RAB3GAP2: variants seen among roughly 807,000 people sequenced by gnomAD.
The protein encoded by RAB3GAP2 is rab3 GTPase-activating protein non-catalytic subunit.
A neutral mutation model predicts 185.3 loss-of-function variants in RAB3GAP2; 87 were observed. The observed-to-expected ratio is 0.47, with a 90% CI of 0.39 to 0.56. The LOEUF is 0.56. RAB3GAP2 is among the 20% of genes least tolerant of loss of function. RAB3GAP2 has a pLI of 0.00. For synonymous variants in RAB3GAP2, 554 were observed against 576.1 expected, an observed-to-expected ratio of 0.96 and a Z score of 0.55; for missense variants, 1,492 against 1,638.2, an observed-to-expected ratio of 0.91 and a Z score of 1.54.
intron 28 of RAB3GAP2, among the ~76,000 whole-genome samples, chr1:220,159,909 C>T (rs1206519674): frequency 1.3e-5 from 2 of 151,940 alleles, no homozygotes; most frequent in Admixed American, 1.3e-4. Context: ...CCTAGCTACT[C>T]GGGAGGCTGA....
chr1:220,267,415 T>G, intron 1 of RAB3GAP2: 3 of 1,328,518 alleles, frequency 2.3e-6, no homozygotes, highest in Non-Finnish European at 3.3e-6. Flanking sequence ...TTTCTCCAGC[T>G]GAGCTTTAAA....
chr1:220,206,213 T>G lies in RAB3GAP2; in HGVS notation c.613-207A>C, dbSNP rs137944267. On this transcript the variant is annotated intron_variant, in intron 7 of 34. Coordinates refer to ENST00000358951, the MANE Select transcript of RAB3GAP2 (RefSeq NM_012414.4). ...AATTCTTTTCAAATATAACCTTTTG[T>G]GTATGGTGAATAATTATCTCAAAGA... Among the ~76,000 whole-genome samples, 820 of 152,282 alleles carry G rather than the reference T, an allele frequency of 5.4e-3. 5 individuals carry two copies. Among genetic ancestry groups the G allele is most frequent in the African/African-American group, 0.019 (770 of 41,552 alleles).
chr1:220,238,751 G>C (rs1224869031), intron 1 of RAB3GAP2, among the ~76,000 whole-genome samples: 1 of 152,080 alleles, frequency 6.6e-6, no homozygotes, highest in African/African-American at 2.4e-5. Context: ...AAGTTTTCTT[G>C]CATCCACCAA....
intron 13 of RAB3GAP2, 37 bp from the exon 14 acceptor site, chr1:220,191,321 T>C (rs1658615689): frequency 1.6e-6 from 2 of 1,218,206 alleles, no homozygotes; most frequent in African/African-American, 1.8e-5. Context: ...AATTACTTAA[T>C]CTAGGTTCCA....
At chr1:220,236,697 T>C (rs1424390057) in intron 1 of RAB3GAP2, among the ~76,000 whole-genome samples, 1 of 152,024 alleles carries the variant, frequency 6.6e-6, no homozygotes, top group Non-Finnish European at 1.5e-5. Context: ...AGGTATATAT[T>C]GAGAAAATAG....
At chr1:220,245,292 C>A (rs2667963) in intron 1 of RAB3GAP2, among the ~76,000 whole-genome samples, 1 of 152,206 alleles carries the variant, frequency 6.6e-6, no homozygotes, top group Admixed American at 6.5e-5. Flanking sequence ...AGACAGTGGG[C>A]GCAGGCCAGT....
intron 1 of RAB3GAP2, among the ~76,000 whole-genome samples, chr1:220,244,346 C>A (rs1659757945): frequency 6.6e-6 from 1 of 152,122 alleles, no homozygotes; most frequent in Non-Finnish European, 1.5e-5. Flanking sequence ...TATACTTAAC[C>A]AAGAAGGCAG....
At chr1:220,162,812 C>G (rs1302578667) in intron 27 of RAB3GAP2, among the ~76,000 whole-genome samples, 1 of 152,018 alleles carries the variant, frequency 6.6e-6, no homozygotes, top group Non-Finnish European at 1.5e-5. Context: ...AGTTTTATTC[C>G]CAACAGCCAA....
In RAB3GAP2 at chr1:220,158,180, A is replaced by T. The variant is rs3767653; in HGVS notation, c.3262-304T>A. 1.3e-5 allele frequency among the ~76,000 whole-genome samples: 2 copies of T among 152,216 alleles called. No homozygotes were observed. Among genetic ancestry groups the T allele is most frequent in the African/African-American group, 4.8e-5 (2 of 41,460 alleles). On this transcript the variant is annotated intron_variant, in intron 29 of 34. Transcript: ENST00000358951. The surrounding 1 kb of genome is among the most constrained non-coding windows in gnomAD (Gnocchi z 4.3). ...TATAGATGGTGGCACTTCTGAGCTC[A>T]CTGTTCAGCTTGCTAAGGCATCTGG...
intron 27 of RAB3GAP2, among the ~76,000 whole-genome samples, chr1:220,163,740 CATACATATATAT>C (rs1397535637): frequency 2.8e-4 from 25 of 90,160 alleles, no homozygotes. Context: ...TATATAAATA[CATACATATATAT>C]ATATATATAT....
intron 21 of RAB3GAP2, among the ~76,000 whole-genome samples, chr1:220,173,235 T>C (rs776830666): frequency 9.9e-5 from 15 of 152,168 alleles, no homozygotes; most frequent in East Asian, 5.8e-4. Flanking sequence ...TAATAAGTTA[T>C]GAAAAAACAG....
chr1:220,203,388 T>A lies in RAB3GAP2; in HGVS notation c.713-1014A>T, dbSNP rs146742237. Among the ~76,000 whole-genome samples, 814 of 152,212 alleles carry A rather than the reference T, an allele frequency of 5.3e-3. 4 individuals carry two copies. Among genetic ancestry groups the A allele is most frequent in the African/African-American group, 0.018 (764 of 41,522 alleles). On this transcript the variant is annotated intron_variant, in intron 8 of 34. Transcript: ENST00000358951. ...ATAATAATAAAGAAAAAATATAACC[T>A]CTAAATATTGCAGATTGACAGTACG...
At chr1:220,163,509 C>T (rs577782809) in intron 27 of RAB3GAP2, among the ~76,000 whole-genome samples, 2 of 151,308 alleles carry the variant, frequency 1.3e-5, no homozygotes, top group African/African-American at 4.8e-5. Flanking sequence ...ACTACAGGCA[C>T]CTGCCACCAT....
rs1397365740 is a variant in RAB3GAP2 at position 220,196,283 on chromosome 1, G to T, written c.927C>A (p.Ser309=). ...PAMSQYITVG[S]NPFTGFFYAL... ...CATAGAAGAAGCCAGTAAATGGATT[G>T]GACCCTACAGTGATATACTGAGACA... is the stretch of plus-strand genomic sequence containing the variant. The change falls in exon 10 of 35, where the codon TCC becomes TCA. Residue 309 remains serine (S), a synonymous_variant. Transcript: ENST00000358951. 1.2e-6 allele frequency: 2 copies of T among 1,613,194 alleles called. No homozygotes were observed. The highest frequency in any genetic ancestry group is 1.7e-5 in the Admixed American group (1 of 59,994).
intron 1 of RAB3GAP2, among the ~76,000 whole-genome samples, chr1:220,254,973 T>C (rs1660008298): frequency 6.7e-6 from 1 of 149,864 alleles, no homozygotes; most frequent in African/African-American, 2.5e-5. Context: ...TTTTTTATGG[T>C]GCTTAAAGTA....
At chr1:220,157,225 A>G in intron 31 of RAB3GAP2, 45 bp downstream of exon 31, 1 of 1,505,550 alleles carries the variant, frequency 6.6e-7, no homozygotes, top group South Asian at 1.1e-5. Context: ...GTGTCTGCTA[A>G]GCCTGCAACT....
At chr1:220,271,159 T>C (rs1660326592) in intron 1 of RAB3GAP2, 1 of 152,204 alleles carries the variant, frequency 6.6e-6, no homozygotes, top group African/African-American at 2.4e-5. Flanking sequence ...CCACCAACCT[T>C]ATTTGGTTTG....
At chr1:220,255,428 A>G (rs900690547) in intron 1 of RAB3GAP2, among the ~76,000 whole-genome samples, 9 of 152,198 alleles carry the variant, frequency 5.9e-5, no homozygotes, top group African/African-American at 1.7e-4. Context: ...GCTGAGGTGG[A>G]GATGGCTGAA....
At chr1:220,204,760 C>T (rs1447303480) in intron 8 of RAB3GAP2, among the ~76,000 whole-genome samples, 1 of 130,040 alleles carries the variant, frequency 7.7e-6, no homozygotes, top group Non-Finnish European at 1.6e-5. Flanking sequence ...CAACAGTCCC[C>T]GGAGTGTGAT....
Sources: gnomAD v4.1 joint callset for allele counts (sites outside exome capture counted in the v4.1 genomes callset) on GRCh38, gnomAD v4.1.1 for gene constraint, Gnocchi (gnomAD v3.1) non-coding constraint, MANE v1.5 for transcripts, NCBI Gene and HGNC (gene_info 2026-07-23, HGNC 2026-07-21) for gene names.